MYO10: variants seen among roughly 807,000 people sequenced by gnomAD.
The protein encoded by MYO10 is myosin X.
In MYO10, 133 loss-of-function variants were observed where a neutral mutation model predicts 257.3. The ratio of observed to expected loss-of-function variants is 0.52; its 90% CI spans 0.45 to 0.60. MYO10 has a LOEUF of 0.60. MYO10 is among the 20% of genes least tolerant of loss of function. The pLI is 0.00. For missense variants in MYO10, 2,399 were observed against 2,635.7 expected (o/e 0.91, Z 1.97); for synonymous variants, 1,104 against 1,028.6 (o/e 1.07, Z -1.40).
chr5:16,702,868 G>A (rs777150539), intron 23 of MYO10, 57 bp downstream of exon 23: 5 of 1,454,020 alleles, frequency 3.4e-6, no homozygotes, highest in African/African-American at 1.4e-5. Flanking sequence ...GACAGATACC[G>A]AGCACAGCAC....
In MYO10 at chr5:16,668,406, G is replaced by T. The variant is rs772630964; in HGVS notation, c.5946C>A (p.Val1982=). Residue 1982 remains valine, a synonymous_variant, in exon 40 of 41, where the codon GTC becomes GTA. Transcript: ENST00000513610. ...WLGVSADAVS[V]YKRGEGRPLE... ...GTGGTCTTCCCTCTCCACGCTTGTA[G>T]ACGGAGACGGCGTCCGCGCTGACAC... 1 of 1,613,886 alleles carries T rather than the reference G, an allele frequency of 6.2e-7. No homozygotes were observed. Among genetic ancestry groups the T allele is most frequent in the Non-Finnish European group, 8.5e-7 (1 of 1,179,820 alleles).
At chr5:16,868,119 A>G (rs1374913984) in intron 2 of MYO10, among the ~76,000 whole-genome samples, 2 of 152,260 alleles carry the variant, frequency 1.3e-5, no homozygotes, top group African/African-American at 4.8e-5. Context: ...AAAGATAATA[A>G]AATAGTTCTA....
At chr5:16,910,460 G>A (rs906052489) in intron 1 of MYO10, among the ~76,000 whole-genome samples, 6 of 152,240 alleles carry the variant, frequency 3.9e-5, no homozygotes, top group African/African-American at 1.2e-4. Context: ...TCTATAAAAT[G>A]GGAATCATAA....
At chr5:16,850,564 C>T (rs1191255837) in intron 2 of MYO10, among the ~76,000 whole-genome samples, 1 of 151,970 alleles carries the variant, frequency 6.6e-6, no homozygotes, top group Non-Finnish European at 1.5e-5. Context: ...GTGTGAGCCA[C>T]CATACCTGGC....
chr5:16,688,713 C>T (rs1042341692), intron 28 of MYO10, among the ~76,000 whole-genome samples: 3 of 150,112 alleles, frequency 2.0e-5, no homozygotes, highest in Non-Finnish European at 4.4e-5. Flanking sequence ...GCACTCCAGC[C>T]TGGGCAACAA....
intron 30 of MYO10, 35 bp from the exon 31 acceptor site, chr5:16,682,048 T>TA: frequency 6.2e-7 from 1 of 1,603,520 alleles, no homozygotes; most frequent in Non-Finnish European, 8.5e-7. Context: ...CAAAGCCCCT[T>TA]AGCCCTACCG....
At chr5:16,853,655 G>A (rs1382065495) in intron 2 of MYO10, among the ~76,000 whole-genome samples, 3 of 152,260 alleles carry the variant, frequency 2.0e-5, no homozygotes, top group South Asian at 2.1e-4. Context: ...GCTATTTATT[G>A]TCAAAGGCTG....
chr5:16,678,149 T>G (rs1423861494), intron 33 of MYO10, among the ~76,000 whole-genome samples: 1 of 152,220 alleles, frequency 6.6e-6, no homozygotes, highest in Non-Finnish European at 1.5e-5. Context: ...TGAGTGTGGC[T>G]GATACATGAT....
chr5:16,711,648 G>GGT (rs1372592445), intron 19 of MYO10, among the ~76,000 whole-genome samples: 15 of 152,146 alleles, frequency 9.9e-5, no homozygotes, highest in Non-Finnish European at 1.5e-4. Context: ...CAGGCGTGGT[G>GGT]GCACGCGCCT....
At chr5:16,790,521 G>A (rs903287619) in intron 4 of MYO10, among the ~76,000 whole-genome samples, 8 of 152,090 alleles carry the variant, frequency 5.3e-5, no homozygotes, top group African/African-American at 1.9e-4. Context: ...TGCTGTTCTC[G>A]CAGTAGTGAG....
chr5:16,929,416 G>A (rs1272829958), intron 1 of MYO10, among the ~76,000 whole-genome samples: 2 of 152,160 alleles, frequency 1.3e-5, no homozygotes, highest in Non-Finnish European at 2.9e-5. Context: ...GCCTAGAGAA[G>A]ATGACGCAAG....
At chr5:16,892,592 A>G (rs551234394) in intron 1 of MYO10, among the ~76,000 whole-genome samples, 30 of 152,282 alleles carry the variant, frequency 2.0e-4, no homozygotes, top group Non-Finnish European at 4.1e-4. Flanking sequence ...ACAGTGAGCC[A>G]AGACTGCGCC....
chr5:16,846,983 T>C (rs1743652577), intron 2 of MYO10, among the ~76,000 whole-genome samples: 1 of 152,044 alleles, frequency 6.6e-6, no homozygotes, highest in Admixed American at 6.6e-5. Flanking sequence ...CTGGGTGTGG[T>C]GGCACACACC....
At chr5:16,813,965 C>T (rs1742520378) in intron 3 of MYO10, among the ~76,000 whole-genome samples, 2 of 152,130 alleles carry the variant, frequency 1.3e-5, no homozygotes, top group African/African-American at 4.8e-5. Flanking sequence ...AGGTGACAGT[C>T]AGCAAGAAAA....
intron 9 of MYO10, among the ~76,000 whole-genome samples, chr5:16,774,355 G>A (rs184323732): frequency 1.5e-4 from 23 of 152,072 alleles, no homozygotes; most frequent in African/African-American, 5.3e-4. Flanking sequence ...GGCTATTTTG[G>A]GCACAGTAAA....
chr5:16,766,773 T>C (rs1414356223), intron 10 of MYO10, among the ~76,000 whole-genome samples: 1 of 147,430 alleles, frequency 6.8e-6, no homozygotes, highest in African/African-American at 2.5e-5. Context: ...CTACTTTCTT[T>C]TTTTTTTTTT....
intron 29 of MYO10, among the ~76,000 whole-genome samples, chr5:16,685,476 T>C (rs1002117881): frequency 2.6e-5 from 4 of 152,120 alleles, no homozygotes; most frequent in African/African-American, 9.7e-5. Flanking sequence ...CCTCCCAAAG[T>C]GCTGGGACTA....
At chr5:16,778,923 C>T (rs543018950) in intron 9 of MYO10, among the ~76,000 whole-genome samples, 2 of 152,182 alleles carry the variant, frequency 1.3e-5, no homozygotes, top group Admixed American at 1.3e-4. Flanking sequence ...ATCTCCTGAC[C>T]TCGTGATCTG....
At position 16,682,132 on chromosome 5, in the gene MYO10, A is replaced by G; in HGVS notation, c.4047-119T>C. ...TCTGGGTCACGGGATATACACTGCT[A>G]GGCTATCTGTGCTTTTATTAAGGCA... On this transcript the variant is annotated intron_variant, in intron 30 of 40. Transcript: ENST00000513610. 2.5e-6 allele frequency: 3 copies of G among 1,185,770 alleles called. No homozygotes were observed. In the Admixed American group the frequency reaches 7.3e-5, roughly 29 times the overall value. 73.5% of individuals were successfully genotyped at this position (1,185,770 alleles called of 1,614,324 possible). A position where few individuals can be genotyped will look rare whatever the true frequency, so the allele number is the denominator to read the frequency against.
Sources: gnomAD v4.1 joint callset for allele counts (sites outside exome capture counted in the v4.1 genomes callset) on GRCh38, gnomAD v4.1.1 for gene constraint, MANE v1.5 for transcripts, NCBI Gene and HGNC (gene_info 2026-07-23, HGNC 2026-07-21) for gene names.